Variants in NRG1 observed in about 807,000 individuals in gnomAD.
NRG1 encodes the protein pro-neuregulin-1, membrane-bound isoform.
NRG1 carries 18 observed loss-of-function variants against 63.8 expected under a neutral mutation model. That is an observed-to-expected ratio of 0.28 (90% CI 0.19 to 0.42). NRG1 has a LOEUF of 0.42. NRG1 is among the 10% of genes least tolerant of loss of function. The probability of loss-of-function intolerance (pLI) is 1.00; values close to 1 mark genes in which losing one functional copy is unlikely to be tolerated. For missense variants in NRG1, 762 were observed against 814.7 expected, an observed-to-expected ratio of 0.94 and a Z score of 0.79; for synonymous variants, 302 against 301.3, an observed-to-expected ratio of 1.00 and a Z score of -0.02.
At chr8:32,474,767 G>A (rs1824294845) in intron 1 of NRG1, among the ~76,000 whole-genome samples, 1 of 152,046 alleles carries the variant, frequency 6.6e-6, no homozygotes, top group Non-Finnish European at 1.5e-5. Flanking sequence ...GCCTCCCAAA[G>A]TGCTGGGATT....
At chr8:32,562,575 C>T (rs765380913) in intron 1 of NRG1, among the ~76,000 whole-genome samples, 4 of 152,092 alleles carry the variant, frequency 2.6e-5, no homozygotes, top group Non-Finnish European at 5.9e-5. Context: ...AAAGTCGCCT[C>T]TGGGTTGTAA....
At chr8:31,998,614 A>G (rs1349675663) in intron 1 of NRG1, among the ~76,000 whole-genome samples, 2 of 151,994 alleles carry the variant, frequency 1.3e-5, no homozygotes, top group African/African-American at 2.4e-5. Flanking sequence ...ATGAGTCAAT[A>G]GGAACTTTAC....
At chr8:32,456,426 A>T (rs955757184) in intron 1 of NRG1, among the ~76,000 whole-genome samples, 1 of 152,180 alleles carries the variant, frequency 6.6e-6, no homozygotes, top group Non-Finnish European at 1.5e-5. Flanking sequence ...GTTTTGGTCC[A>T]CCTATACACG....
At chr8:32,261,819 A>G (rs981491572) in intron 1 of NRG1, among the ~76,000 whole-genome samples, 1 of 152,192 alleles carries the variant, frequency 6.6e-6, no homozygotes, top group Non-Finnish European at 1.5e-5. Flanking sequence ...ATACTTTGTG[A>G]TGAATGTTAA....
chr8:32,682,790 A>C (rs1289226468), intron 5 of NRG1, among the ~76,000 whole-genome samples: 1 of 152,180 alleles, frequency 6.6e-6, no homozygotes, highest in East Asian at 1.9e-4. Context: ...TCTTTTAAGC[A>C]ATTCTCCTGC....
intron 1 of NRG1, among the ~76,000 whole-genome samples, chr8:32,282,539 A>T (rs1039521125): frequency 6.6e-6 from 1 of 152,140 alleles, no homozygotes; most frequent in Non-Finnish European, 1.5e-5. Context: ...ATTGCTTCCA[A>T]TGAGAGGTGG....
intron 1 of NRG1, among the ~76,000 whole-genome samples, chr8:31,703,804 A>T (rs1279031149): frequency 6.6e-6 from 1 of 152,162 alleles, no homozygotes; most frequent in African/African-American, 2.4e-5. Context: ...TGCATACTCA[A>T]ATATTTGTGC....
intron 1 of NRG1, among the ~76,000 whole-genome samples, chr8:32,589,207 T>C (rs1423595746): frequency 2.6e-5 from 4 of 152,176 alleles, no homozygotes; most frequent in African/African-American, 4.8e-5. Context: ...GAAGACCAGA[T>C]GGAAGAGCAC....
intron 1 of NRG1, among the ~76,000 whole-genome samples, chr8:31,725,910 AAAG>A (rs1813386912): frequency 6.6e-6 from 1 of 152,196 alleles, no homozygotes; most frequent in African/African-American, 2.4e-5. Context: ...GTATTGAAGA[AAAG>A]AAATGACTAA....
intron 1 of NRG1, among the ~76,000 whole-genome samples, chr8:31,650,178 A>G (rs1285912989): frequency 1.3e-5 from 2 of 152,004 alleles, no homozygotes; most frequent in African/African-American, 4.8e-5. Flanking sequence ...GGGTTTTGCC[A>G]TGTTGCCCAG....
At chr8:31,922,992 G>A (rs568864787) in intron 1 of NRG1, among the ~76,000 whole-genome samples, 1 of 152,214 alleles carries the variant, frequency 6.6e-6, no homozygotes, top group Non-Finnish European at 1.5e-5. Flanking sequence ...AAGGGTTCTG[G>A]GAAGAGATGA....
intron 1 of NRG1, among the ~76,000 whole-genome samples, chr8:32,290,224 C>A (rs7836407): frequency 0.21 from 31,336 of 151,838 alleles, 3,558 homozygotes; most frequent in African/African-American, 0.32. Context: ...TTGGGTGATA[C>A]ATCAAAACTC....
chr8:32,296,317 C>T (rs772166984), intron 1 of NRG1, among the ~76,000 whole-genome samples: 7 of 152,022 alleles, frequency 4.6e-5, no homozygotes, highest in African/African-American at 1.4e-4. Context: ...TGGCCAGGTG[C>T]GGTGGCTCAC....
At chr8:31,984,446 A>T (rs1472416497) in intron 1 of NRG1, among the ~76,000 whole-genome samples, 1 of 152,078 alleles carries the variant, frequency 6.6e-6, no homozygotes, top group Non-Finnish European at 1.5e-5. Context: ...AAATAGACAG[A>T]TGATGACCCT....
intron 1 of NRG1, among the ~76,000 whole-genome samples, chr8:32,053,600 C>A (rs1822352511): frequency 6.6e-6 from 1 of 152,136 alleles, no homozygotes; most frequent in Admixed American, 6.5e-5. Flanking sequence ...AACATGTCAG[C>A]TAATACCATG....
Position 31,648,220 on chromosome 8 carries a change from G to A in NRG1, c.37+8789G>A, listed in dbSNP as rs189152799. ...GCGATCTCGACTCACTGCAAGCTCC[G>A]CCTCCCGGGTTCACGCCATTCTCCT... On this transcript the variant is annotated intron_variant, in intron 1 of 10. Coordinates refer to the NRG1 transcript ENST00000519301. Among the ~76,000 whole-genome samples the A allele has an allele frequency of 3.7e-3, 471 of 127,500 alleles. 3 individuals carry two copies. The highest frequency in any genetic ancestry group is 0.013 in the African/African-American group (446 of 33,714). The allele number at this position is 127,500 out of a possible 152,430, so 83.6% of individuals were successfully genotyped here.
At position 31,982,099 on chromosome 8, in the gene NRG1, C is replaced by T. The variant is rs181546506; in HGVS notation, c.37+342668C>T. The stretch of plus-strand genomic sequence containing the variant: ...AAGGAGACAGTGGGAGAAGGGAATT[C>T]GGTGAACTGGTAAAGGTGGCAGGAT... On this transcript the variant is annotated intron_variant, in intron 1 of 10. Transcript: ENST00000519301. Among the ~76,000 whole-genome samples, 196 of 151,952 alleles carry T rather than the reference C, an allele frequency of 1.3e-3. 1 individual carries two copies. Among genetic ancestry groups the T allele is most frequent in the Non-Finnish European group, 2.4e-3 (162 of 67,932 alleles).
intron 1 of NRG1, among the ~76,000 whole-genome samples, chr8:31,826,823 G>C (rs925590677): frequency 6.6e-6 from 1 of 152,222 alleles, no homozygotes; most frequent in Non-Finnish European, 1.5e-5. Flanking sequence ...GAGAGAAGCA[G>C]TTACATGAAG....
intron 1 of NRG1, among the ~76,000 whole-genome samples, chr8:32,306,195 A>G (rs906413296): frequency 6.6e-6 from 1 of 152,188 alleles, no homozygotes; most frequent in Non-Finnish European, 1.5e-5. Context: ...TGCATTTGTA[A>G]ATGTCTGTCA....
Sources: allele counts gnomAD v4.1 joint callset (sites outside exome capture counted in the v4.1 genomes callset), GRCh38; gene constraint gnomAD v4.1.1; transcripts MANE v1.5; gene names NCBI Gene and HGNC (gene_info 2026-07-23, HGNC 2026-07-21).